SLC14A2: variants seen among roughly 807,000 people sequenced by gnomAD.
SLC14A2 encodes the protein solute carrier family 14 member 2.
SLC14A2 carries 91 observed loss-of-function variants against 104.6 expected under a neutral mutation model. The ratio of observed to expected loss-of-function variants is 0.87; its 90% CI spans 0.73 to 1.04. SLC14A2 has a LOEUF of 1.04. SLC14A2 is among the 50% of genes least tolerant of loss of function. SLC14A2 has a pLI of 0.00. For synonymous variants in SLC14A2, 476 were observed against 466.4 expected, an observed-to-expected ratio of 1.02 and a Z score of -0.27; for missense variants, 1,189 against 1,156.0, an observed-to-expected ratio of 1.03 and a Z score of -0.41.
intron 2 of SLC14A2, chr18:45,529,307 T>C (rs141412887): frequency 2.6e-5 from 4 of 152,282 alleles, no homozygotes; most frequent in Non-Finnish European, 5.9e-5. Flanking sequence ...TGTGGTCTAC[T>C]TTCCAATTGG....
chr18:45,276,169 T>A (rs2084700329), intron 1 of SLC14A2, among the ~76,000 whole-genome samples: 1 of 152,238 alleles, frequency 6.6e-6, no homozygotes, highest in Non-Finnish European at 1.5e-5. Flanking sequence ...GTGGGGTACC[T>A]GGGGCAGATC....
intron 1 of SLC14A2, among the ~76,000 whole-genome samples, chr18:45,482,883 T>C (rs2087523304): frequency 6.6e-6 from 1 of 152,170 alleles, no homozygotes; most frequent in African/African-American, 2.4e-5. Flanking sequence ...TGAAGTTTAT[T>C]TACTGGCAAA....
chr18:45,194,379 A>G, the SLC14A2 span, among the ~76,000 whole-genome samples: 5 of 152,158 alleles, frequency 3.3e-5, no homozygotes, highest in African/African-American at 1.2e-4. Flanking sequence ...TCTATTCCTA[A>G]TTTATGACAG....
rs141754942 is a variant in SLC14A2, at chr18:45,644,903, G to C, written c.1351+743G>C. 3.2e-3 allele frequency among the ~76,000 whole-genome samples: 492 copies of C among 152,176 alleles called. 1 individual carries two copies. The highest frequency in any genetic ancestry group is 0.012 in the African/African-American group (482 of 41,524). ...TGGGATACATGTGCAGAACATGCAG[G>C]TTTGTTATATAGGTATATATGTGCC... On this transcript the variant is annotated intron_variant, in intron 10 of 19. Coordinates refer to ENST00000255226, the MANE Select transcript of SLC14A2 (RefSeq NM_007163.4).
intron 2 of SLC14A2, among the ~76,000 whole-genome samples, chr18:45,558,417 A>G (rs542238056): frequency 2.6e-5 from 4 of 152,320 alleles, no homozygotes; most frequent in East Asian, 1.9e-4. Context: ...TACAGAGAAG[A>G]TGGAAATGAG....
chr18:45,283,081 C>T (rs571901663), intron 1 of SLC14A2, among the ~76,000 whole-genome samples: 140 of 152,340 alleles, frequency 9.2e-4, no homozygotes, highest in African/African-American at 3.1e-3. Context: ...CGAATCATTA[C>T]CCCACATTGT....
At chr18:45,453,991 C>G (rs750304748) in intron 1 of SLC14A2, among the ~76,000 whole-genome samples, 1 of 151,760 alleles carries the variant, frequency 6.6e-6, no homozygotes, top group Non-Finnish European at 1.5e-5. Flanking sequence ...TCCCGAGTAG[C>G]TGGGATTACA....
intron 1 of SLC14A2, among the ~76,000 whole-genome samples, chr18:45,272,931 C>T (rs1021939171): frequency 6.6e-6 from 1 of 152,052 alleles, no homozygotes; most frequent in Admixed American, 6.6e-5. Context: ...CTACCTAAGC[C>T]AGCAACTGAA....
At position 45,241,639 on chromosome 18, in the gene SLC14A2, CTTTTTTT is replaced by C. The variant is rs370878349; in HGVS notation, c.-125+28463_-125+28469del. On this transcript the variant is annotated intron_variant, in intron 1 of 20. Transcript: ENST00000586448. ...TTGATTTTCTTTTCTTTTCTTTTCT[CTTTTTTT>C]TTTTTTTTTTTTTTGAAATGGAGTT... is the stretch of plus-strand genomic sequence containing the variant. Among the ~76,000 whole-genome samples the C allele has an allele frequency of 2.1e-3, 252 of 118,024 alleles. 2 individuals carry two copies. Among genetic ancestry groups the C allele is most frequent in the Middle Eastern group, 4.3e-3 (1 of 232 alleles). 77.4% of individuals were successfully genotyped at this position (118,024 alleles called of 152,430 possible).
chr18:45,438,519 G>A (rs1028660225), intron 1 of SLC14A2, among the ~76,000 whole-genome samples: 5 of 152,222 alleles, frequency 3.3e-5, no homozygotes, highest in African/African-American at 9.6e-5. Context: ...GCAAAAGTGA[G>A]AGCAAAAGAG....
At position 45,483,895 on chromosome 18, in the gene SLC14A2, G is replaced by T. The variant is rs2087544362; in HGVS notation, c.-35+573G>T. ...ACTTATATTAAGCACAAAGAAAGCT[G>T]CTCAAGATGGATGCGCTGGCATCAG... On this transcript the variant is annotated intron_variant, in intron 2 of 20. Transcript: ENST00000586448. Among the ~76,000 whole-genome samples the T allele has an allele frequency of 2.0e-5, 3 of 152,324 alleles. No individual in the cohort carries two copies. In the South Asian group the frequency reaches 6.2e-4, roughly 32 times the overall value.
intron 1 of SLC14A2, among the ~76,000 whole-genome samples, chr18:45,291,891 A>G (rs191921932): frequency 6.6e-6 from 1 of 152,232 alleles, no homozygotes; most frequent in African/African-American, 2.4e-5. Flanking sequence ...TCTCTCCTTC[A>G]AAGTTCTCCT....
intron 1 of SLC14A2, among the ~76,000 whole-genome samples, chr18:45,394,265 C>G (rs2086004534): frequency 6.6e-6 from 1 of 152,172 alleles, no homozygotes; most frequent in Non-Finnish European, 1.5e-5. Flanking sequence ...GAATTGTCAT[C>G]AGTTCACTAC....
chr18:45,345,104 T>G (rs2085434660), intron 1 of SLC14A2, among the ~76,000 whole-genome samples: 1 of 152,224 alleles, frequency 6.6e-6, no homozygotes, highest in Admixed American at 6.5e-5. Context: ...CTGTGTTCCT[T>G]GTGCATTCTT....
rs2052375 is a variant in SLC14A2, at chr18:45,460,462, T to A, written c.-124-22771T>A. ...TTCAAGGGACCTTCCTGACTGTTCC[T>A]GAAAGCCCTTCATGATAGAAGAATT... is the stretch of plus-strand genomic sequence containing the variant. On this transcript the variant is annotated intron_variant, in intron 1 of 20. Transcript: ENST00000586448. 5.3e-5 allele frequency among the ~76,000 whole-genome samples: 8 copies of A among 152,100 alleles called. No homozygotes were observed. In the East Asian group the frequency reaches 1.6e-3, roughly 29 times the overall value.
intron 2 of SLC14A2, among the ~76,000 whole-genome samples, chr18:45,536,470 G>T (rs562246118): frequency 6.6e-6 from 1 of 152,278 alleles, no homozygotes; most frequent in Admixed American, 6.5e-5. Flanking sequence ...GGCAGTCCTT[G>T]GTGTCTGTTG....
chr18:45,193,071 C>T, the SLC14A2 span, among the ~76,000 whole-genome samples: 3 of 152,042 alleles, frequency 2.0e-5, no homozygotes, highest in Non-Finnish European at 4.4e-5. Flanking sequence ...ATATCTTTTG[C>T]TTATATTTGT....
Position 45,565,217 on chromosome 18 carries a change from C to T in SLC14A2, c.-34-59414C>T, listed in dbSNP as rs546519042. ...TTGGCTCACTGCAAGCTCCGCCTCCCGGGTTCACACCATTCCCTTCCTTCA... is the reference window on the plus strand; with the variant it reads ...TTGGCTCACTGCAAGCTCCGCCTCCTGGGTTCACACCATTCCCTTCCTTCA... On this transcript the variant is annotated intron_variant, in intron 2 of 20. Coordinates refer to the SLC14A2 transcript ENST00000586448. Among the ~76,000 whole-genome samples, 6 of 151,940 alleles carry T rather than the reference C, an allele frequency of 3.9e-5. No individual in the cohort carries two copies. The East Asian group carries it at 5.8e-4, about 15-fold the overall frequency.
At chr18:45,313,197 C>T (rs1441416437) in intron 1 of SLC14A2, among the ~76,000 whole-genome samples, 2 of 152,174 alleles carry the variant, frequency 1.3e-5, no homozygotes, top group Non-Finnish European at 2.9e-5. Context: ...GGGGATTTTC[C>T]TCTGGTGAGG....
Sources: gnomAD v4.1 joint callset for allele counts (sites outside exome capture counted in the v4.1 genomes callset) on GRCh38, gnomAD v4.1.1 for gene constraint, MANE v1.5 for transcripts, NCBI Gene and HGNC (gene_info 2026-07-23, HGNC 2026-07-21) for gene names.